Variants in NLGN1 observed in about 807,000 individuals in gnomAD.
NLGN1 encodes neuroligin 1.
NLGN1 carries 12 observed loss-of-function variants against 65.5 expected under a neutral mutation model. That is an observed-to-expected ratio of 0.18 (90% CI 0.12 to 0.30). The LOEUF is 0.30. Among genes scored for constraint, NLGN1 ranks in the 10% least tolerant of loss-of-function variants. The pLI is 1.00. For missense variants in NLGN1, 750 were observed against 1,007.1 expected, an observed-to-expected ratio of 0.74 and a Z score of 3.46; for synonymous variants, 350 against 359.5, an observed-to-expected ratio of 0.97 and a Z score of 0.30.
chr3:174,133,435 G>A (rs950737535), intron 4 of NLGN1, among the ~76,000 whole-genome samples: 3 of 152,100 alleles, frequency 2.0e-5, no homozygotes, highest in Non-Finnish European at 4.4e-5. Context: ...TGTAAGTCTG[G>A]AGTCTAAGAA....
At chr3:173,629,595 G>A (rs956248737) in intron 3 of NLGN1, among the ~76,000 whole-genome samples, 1 of 152,084 alleles carries the variant, frequency 6.6e-6, no homozygotes, top group East Asian at 1.9e-4. Flanking sequence ...GGTAACAATA[G>A]GTCATAAAAT....
At chr3:174,083,758 T>G (rs112062442) in intron 4 of NLGN1, among the ~76,000 whole-genome samples, 2 of 151,930 alleles carry the variant, frequency 1.3e-5, no homozygotes, top group East Asian at 3.9e-4. Context: ...CCGGCTAATA[T>G]AGAAATTTTT....
chr3:173,594,525 T>G (rs1248513643), intron 2 of NLGN1, among the ~76,000 whole-genome samples: 1 of 152,184 alleles, frequency 6.6e-6, no homozygotes, highest in Non-Finnish European at 1.5e-5. Context: ...TGGACTGGCA[T>G]TAAGTGTCTG....
intron 3 of NLGN1, among the ~76,000 whole-genome samples, chr3:173,778,411 T>C (rs1780638713): frequency 6.6e-6 from 1 of 151,818 alleles, no homozygotes; most frequent in Non-Finnish European, 1.5e-5. Flanking sequence ...AGAAATGAAT[T>C]TTTTGCATGT....
chr3:173,980,621 G>T (rs769653407), intron 4 of NLGN1, among the ~76,000 whole-genome samples: 22 of 152,040 alleles, frequency 1.4e-4, no homozygotes, highest in Non-Finnish European at 2.6e-4. Flanking sequence ...AAAATATAAA[G>T]ACACACATGA....
At chr3:173,927,393 A>G (rs921924725) in intron 4 of NLGN1, among the ~76,000 whole-genome samples, 1 of 152,120 alleles carries the variant, frequency 6.6e-6, no homozygotes, top group Non-Finnish European at 1.5e-5. Context: ...TTAAAAGTGT[A>G]GAGTTTAGCC....
intron 3 of NLGN1, among the ~76,000 whole-genome samples, chr3:173,800,983 A>C (rs1005898071): frequency 2.0e-4 from 30 of 152,112 alleles, no homozygotes; most frequent in African/African-American, 7.2e-4. Flanking sequence ...CAACCATTTA[A>C]GTATTCTGGA....
chr3:173,842,816 A>G (rs1293230841), intron 4 of NLGN1, among the ~76,000 whole-genome samples: 1 of 152,060 alleles, frequency 6.6e-6, no homozygotes, highest in African/African-American at 2.4e-5. Flanking sequence ...CTGTCAGTGG[A>G]TCTACTATTC....
chr3:173,481,367 A>T (rs1162174680), intron 2 of NLGN1, among the ~76,000 whole-genome samples: 1 of 152,018 alleles, frequency 6.6e-6, no homozygotes, highest in African/African-American at 2.4e-5. Context: ...CATAAACTGC[A>T]ATGCAGAACT....
intron 3 of NLGN1, among the ~76,000 whole-genome samples, chr3:173,610,294 G>A (rs1752087390): frequency 6.6e-6 from 1 of 151,980 alleles, no homozygotes; most frequent in Non-Finnish European, 1.5e-5. Flanking sequence ...AGATGGAAAG[G>A]AAGAAGGGTT....
chr3:174,188,719 T>C (rs1452493184), intron 4 of NLGN1, among the ~76,000 whole-genome samples: 1 of 151,976 alleles, frequency 6.6e-6, no homozygotes, highest in Admixed American at 6.6e-5. Flanking sequence ...ATTAGACCTT[T>C]AGGGAATCAT....
chr3:173,924,739 T>G (rs1742710999), intron 4 of NLGN1, among the ~76,000 whole-genome samples: 1 of 152,164 alleles, frequency 6.6e-6, no homozygotes. Flanking sequence ...TTTTTAAATG[T>G]TAAACTTATG....
chr3:173,406,835 A>G lies in NLGN1; in HGVS notation c.-390+8348A>G, dbSNP rs187389617. Among the ~76,000 whole-genome samples the G allele has an allele frequency of 3.3e-5, 5 of 152,196 alleles. No individual in the cohort carries two copies. The East Asian group carries it at 9.7e-4, about 29-fold the overall frequency. On this transcript the variant is annotated intron_variant, in intron 1 of 6. Transcript: ENST00000457714. ...TTCTTTCGTTGTAGCTGTAGTCACC[A>G]CAGAGAAAACACTGTGTTGCTTCTC...
chr3:173,929,734 T>C (rs1338368508), intron 4 of NLGN1, among the ~76,000 whole-genome samples: 2 of 151,590 alleles, frequency 1.3e-5, no homozygotes, highest in Admixed American at 6.6e-5. Flanking sequence ...GACAGAGTTT[T>C]GCTCTTGTTG....
chr3:174,158,997 T>C (rs1478463136), intron 4 of NLGN1, among the ~76,000 whole-genome samples: 1 of 151,598 alleles, frequency 6.6e-6, no homozygotes, highest in Non-Finnish European at 1.5e-5. Flanking sequence ...CTTCGAGATG[T>C]ACAAAATGAA....
chr3:173,577,480 A>G (rs963174649), intron 2 of NLGN1, among the ~76,000 whole-genome samples: 3 of 152,190 alleles, frequency 2.0e-5, no homozygotes, highest in African/African-American at 7.2e-5. Context: ...ATAAAGGGTC[A>G]AAATTTAATT....
Position 174,279,009 on chromosome 3 carries a change from G to T in NLGN1, c.1008G>T (p.Lys336Asn), listed in dbSNP as rs1211769618. Reference sequence around the variant, plus strand: ...TAGAGTTAGTGGAATGCCTACAGAAGAAGCCTTACAAAGAACTTGTTGACC... The same window carrying T: ...TAGAGTTAGTGGAATGCCTACAGAATAAGCCTTACAAAGAACTTGTTGACC... Residue 336 changes from lysine (K) to asparagine (N), a missense_variant, in exon 6 of 7, where the codon AAG becomes AAT. Physicochemically the swap from Lys to Asn is moderately conservative, Grantham distance 94. Transcript: ENST00000457714. This position sits in a 1 kb window ranked among gnomAD's most constrained non-coding sequence, Gnocchi z 4.7. 2 of 1,600,352 alleles carry T rather than the reference G, an allele frequency of 1.2e-6. No homozygotes were observed. Among genetic ancestry groups the T allele is most frequent in the African/African-American group, 2.7e-5 (2 of 74,244 alleles).
At chr3:174,164,159 G>T (rs1241600973) in intron 4 of NLGN1, among the ~76,000 whole-genome samples, 1 of 151,946 alleles carries the variant, frequency 6.6e-6, no homozygotes, top group Non-Finnish European at 1.5e-5. Flanking sequence ...GTGTCTTATT[G>T]TCGTTTTGAT....
chr3:173,931,947 G>A (rs1744171794), intron 4 of NLGN1, among the ~76,000 whole-genome samples: 1 of 152,052 alleles, frequency 6.6e-6, no homozygotes, highest in African/African-American at 2.4e-5. Flanking sequence ...GATGAGAGAT[G>A]CGTCAGAAAA....
Sources: allele counts gnomAD v4.1 joint callset (sites outside exome capture counted in the v4.1 genomes callset), GRCh38; gene constraint gnomAD v4.1.1; non-coding constraint Gnocchi (gnomAD v3.1); transcripts MANE v1.5; gene names NCBI Gene and HGNC (gene_info 2026-07-23, HGNC 2026-07-21).